Variants in PCDHA10 observed in about 807,000 individuals in gnomAD.
PCDHA10 encodes protocadherin alpha 10.
In PCDHA10, 45 loss-of-function variants were observed where a neutral mutation model predicts 61.2. The observed-to-expected ratio is 0.74, with a 90% confidence interval of 0.58 to 0.94. The LOEUF is 0.94. PCDHA10 is among the 40% of genes least tolerant of loss of function. The probability of loss-of-function intolerance (pLI) is 0.00; values close to 1 mark genes in which losing one functional copy is unlikely to be tolerated. For missense variants in PCDHA10, 1,278 were observed against 1,236.2 expected, an observed-to-expected ratio of 1.03 and a Z score of -0.51; for synonymous variants, 602 against 548.8, an observed-to-expected ratio of 1.10 and a Z score of -1.35.
At chr5:140,995,281 A>G (rs1159938577) in intron 3 of PCDHA10, among the ~76,000 whole-genome samples, 1 of 152,144 alleles carries the variant, frequency 6.6e-6, no homozygotes. Context: ...TGATACCAAA[A>G]CAGCCAGTCG....
intron 1 of PCDHA10, among the ~76,000 whole-genome samples, chr5:140,873,569 G>A (rs1419596036): frequency 6.7e-6 from 1 of 148,974 alleles, no homozygotes; most frequent in African/African-American, 2.4e-5. Context: ...TTCTAGTTTG[G>A]TTGTTTAAGT....
intron 3 of PCDHA10, among the ~76,000 whole-genome samples, chr5:140,987,875 G>A (rs1293461683): frequency 6.6e-6 from 1 of 152,008 alleles, no homozygotes; most frequent in Non-Finnish European, 1.5e-5. Flanking sequence ...GTGGAAAATG[G>A]ACAGTTTATG....
chr5:140,855,937 A>G lies in PCDHA10; in HGVS notation c.-112A>G. On this transcript the variant is annotated 5_prime_UTR_variant, in exon 1 of 4. Transcript: ENST00000307360. ...GACTAGGAAGTAGCGTCATTCTGAG[A>G]TCTCAGCCATTTCGATAAAAAATAG... 7.7e-7 allele frequency: 1 copy of G among 1,306,456 alleles called. No individual in the cohort carries two copies. Among genetic ancestry groups the G allele is most frequent in the Non-Finnish European group, 1.1e-6 (1 of 947,904 alleles). 80.9% of individuals were successfully genotyped at this position (1,306,456 alleles called of 1,614,324 possible). A position where few individuals can be genotyped will look rare whatever the true frequency, so the allele number is the denominator to read the frequency against.
intron 1 of PCDHA10, among the ~76,000 whole-genome samples, chr5:140,873,074 C>G (rs2054074747): frequency 6.6e-6 from 1 of 152,140 alleles, no homozygotes; most frequent in Non-Finnish European, 1.5e-5. Flanking sequence ...TCATATCTAG[C>G]TATTTCCCCC....
At chr5:140,899,269 A>C (rs1301807291) in intron 1 of PCDHA10, among the ~76,000 whole-genome samples, 2 of 152,260 alleles carry the variant, frequency 1.3e-5, no homozygotes, top group East Asian at 3.9e-4. Context: ...GTCTTGTGGC[A>C]GTTTTCAAAG....
chr5:140,971,805 T>C (rs938421537), intron 1 of PCDHA10, among the ~76,000 whole-genome samples: 1 of 152,166 alleles, frequency 6.6e-6, no homozygotes, highest in Non-Finnish European at 1.5e-5. Flanking sequence ...AATATTATAA[T>C]ATTGAATACA....
chr5:140,899,269 A>G (rs1301807291), intron 1 of PCDHA10, among the ~76,000 whole-genome samples: 43 of 152,142 alleles, frequency 2.8e-4, no homozygotes, highest in African/African-American at 1.0e-3. Flanking sequence ...GTCTTGTGGC[A>G]GTTTTCAAAG....
chr5:140,890,128 G>T (rs1402157838), intron 1 of PCDHA10, among the ~76,000 whole-genome samples: 2 of 152,156 alleles, frequency 1.3e-5, no homozygotes, highest in East Asian at 3.9e-4. Context: ...CACTTTGGTA[G>T]CTTGAAATTG....
chr5:141,007,181 G>A (rs372000063), intron 3 of PCDHA10, among the ~76,000 whole-genome samples: 1 of 152,134 alleles, frequency 6.6e-6, no homozygotes, highest in East Asian at 1.9e-4. Context: ...AAGGTCAGGA[G>A]AATGTTTTGA....
intron 1 of PCDHA10, among the ~76,000 whole-genome samples, chr5:140,873,896 G>T (rs111760299): frequency 6.6e-6 from 1 of 152,112 alleles, no homozygotes; most frequent in African/African-American, 2.4e-5. Context: ...CCTGACCTCA[G>T]GTGATCTGCC....
chr5:140,917,338 G>GGGGGGGGGGGGGGGGGA (rs2078134893), intron 1 of PCDHA10, among the ~76,000 whole-genome samples: 1 of 137,894 alleles, frequency 7.3e-6, no homozygotes, highest in Non-Finnish European at 1.6e-5. Flanking sequence ...GGAGGGGGGG[G>GGGGGGGGGGGGGGGGGA]ATGGTGTAGG....
At position 141,009,998 on chromosome 5, in the gene PCDHA10, T is replaced by C. The variant is rs1046818514; in HGVS notation, c.*61T>C. 6 of 1,575,876 alleles carry C rather than the reference T, an allele frequency of 3.8e-6. No individual in the cohort carries two copies. The African/African-American group carries it at 5.5e-5, about 14-fold the overall frequency. ...TTGTAATAATGGCAAATCTCTCCCA[T>C]GTAGCAATTCCCTGCTCCTTTTTCC... is the stretch of plus-strand genomic sequence containing the variant. On this transcript the variant is annotated 3_prime_UTR_variant, in exon 4 of 4. Transcript: ENST00000307360.
In PCDHA10 at chr5:140,857,744, G is replaced by T. The variant is rs1374937613; in HGVS notation, c.1696G>T (p.Ala566Ser). 1 of 1,597,416 alleles carries T rather than the reference G, an allele frequency of 6.3e-7. No homozygotes were observed. Among genetic ancestry groups the T allele is most frequent in the Non-Finnish European group, 8.6e-7 (1 of 1,167,648 alleles). ...GAACGACAACGCTCCCGCGCTGCTGGCGTCTCCCGCTGGCAGCGCGGGCGG... is the reference window on the plus strand; with the variant it reads ...GAACGACAACGCTCCCGCGCTGCTGTCGTCTCCCGCTGGCAGCGCGGGCGG... Reference protein sequence around the residue: ...DENDNAPALLASPAGSAGGAV... With the variant: ...DENDNAPALLSSPAGSAGGAV... The change falls in exon 1 of 4, where the codon GCG (alanine) becomes TCG (serine). Residue 566 changes from alanine (A) to serine (S), a missense_variant. Coordinates refer to ENST00000307360, the MANE Select transcript of PCDHA10 (RefSeq NM_018901.4).
At chr5:140,932,375 G>A (rs192897336) in intron 1 of PCDHA10, among the ~76,000 whole-genome samples, 31 of 151,942 alleles carry the variant, frequency 2.0e-4, no homozygotes, top group Non-Finnish European at 3.0e-5. Context: ...ATTTCCACAT[G>A]AAAGTTATAC....
At chr5:140,910,428 G>A (rs2075029085) in intron 1 of PCDHA10, among the ~76,000 whole-genome samples, 1 of 152,130 alleles carries the variant, frequency 6.6e-6, no homozygotes, top group Admixed American at 6.5e-5. Flanking sequence ...TATTCCCATT[G>A]CATTTAAGTT....
intron 3 of PCDHA10, among the ~76,000 whole-genome samples, chr5:140,987,196 AGAGT>A (rs2097234784): frequency 6.6e-6 from 1 of 151,568 alleles, no homozygotes; most frequent in Non-Finnish European, 1.5e-5. Flanking sequence ...CCTGGGTGAC[AGAGT>A]GAGACTCCAT....
chr5:140,868,889 C>A, intron 1 of PCDHA10: 1 of 744,508 alleles, frequency 1.3e-6, no homozygotes, highest in Non-Finnish European at 2.1e-6. Flanking sequence ...CAGTTTTAGG[C>A]GCAAGGTGTC....
At chr5:140,898,797 C>T (rs1210404780) in intron 1 of PCDHA10, among the ~76,000 whole-genome samples, 7 of 152,160 alleles carry the variant, frequency 4.6e-5, no homozygotes, top group East Asian at 1.9e-4. Context: ...GCCATTTTCA[C>T]GATACTGATT....
intron 1 of PCDHA10, chr5:140,927,776 T>C (rs781966197): frequency 7.4e-6 from 12 of 1,614,140 alleles, no homozygotes; most frequent in South Asian, 1.1e-5. Flanking sequence ...GAGGTGCAAG[T>C]AGCTGCTTCA....
Sources: allele counts gnomAD v4.1 joint callset (sites outside exome capture counted in the v4.1 genomes callset), GRCh38; gene constraint gnomAD v4.1.1; transcripts MANE v1.5; gene names NCBI Gene and HGNC (gene_info 2026-07-23, HGNC 2026-07-21).